Variants in SEL1L2 observed in about 807,000 individuals in gnomAD.
SEL1L2 encodes the protein protein sel-1 homolog 2.
A neutral mutation model predicts 98.8 loss-of-function variants in SEL1L2; 89 were observed. The observed-to-expected ratio is 0.90, with a 90% CI of 0.76 to 1.07. The LOEUF (loss-of-function observed/expected upper bound fraction) is 1.07. SEL1L2 is among the 50% of genes least tolerant of loss of function. SEL1L2 has a pLI of 0.00. For missense variants in SEL1L2, 788 were observed against 812.0 expected (o/e 0.97, Z 0.36); for synonymous variants, 262 against 278.5 (o/e 0.94, Z 0.59).
chr20:13,974,183 T>C (rs1375824617), intron 1 of SEL1L2, among the ~76,000 whole-genome samples: 2 of 152,198 alleles, frequency 1.3e-5, no homozygotes, highest in Non-Finnish European at 2.9e-5. Context: ...AAGTCCTGGC[T>C]CTGCTCAGGG....
At chr20:13,883,387 T>G (rs1479132937) in intron 10 of SEL1L2, among the ~76,000 whole-genome samples, 1 of 152,226 alleles carries the variant, frequency 6.6e-6, no homozygotes, top group Non-Finnish European at 1.5e-5. Flanking sequence ...TAGAGGCTGT[T>G]TTTTGTTTTG....
chr20:13,975,228 C>T (rs1037413427), intron 1 of SEL1L2, among the ~76,000 whole-genome samples: 10 of 152,250 alleles, frequency 6.6e-5, no homozygotes, highest in African/African-American at 2.2e-4. Flanking sequence ...AATAATCATA[C>T]TGCCAAAACA....
At chr20:13,908,060 ACAAGGCAGGAGCCAC>A (rs2048045711) in intron 5 of SEL1L2, among the ~76,000 whole-genome samples, 2 of 140,428 alleles carry the variant, frequency 1.4e-5, no homozygotes, top group African/African-American at 5.3e-5. Flanking sequence ...TGTTAGGATT[ACAAGGCAGGAGCCAC>A]CATGCCTGGC....
chr20:13,900,853 C>A (rs924281136), intron 5 of SEL1L2, among the ~76,000 whole-genome samples: 3 of 152,140 alleles, frequency 2.0e-5, no homozygotes, highest in East Asian at 1.9e-4. Flanking sequence ...TGGCAACAAC[C>A]AAATGCACCT....
intron 8 of SEL1L2, among the ~76,000 whole-genome samples, chr20:13,886,993 A>G (rs1256535538): frequency 6.6e-6 from 1 of 152,194 alleles, no homozygotes; most frequent in Non-Finnish European, 1.5e-5. Context: ...GAAGATCTTG[A>G]CCAAAAAGAC....
chr20:13,863,383 G>A (rs759073480), intron 17 of SEL1L2, among the ~76,000 whole-genome samples: 19 of 152,180 alleles, frequency 1.2e-4, no homozygotes, highest in African/African-American at 2.9e-4. Flanking sequence ...GCAGCATGTG[G>A]TGAGCCAGAC....
At chr20:13,948,550 T>G (rs985531660) in intron 2 of SEL1L2, among the ~76,000 whole-genome samples, 1 of 152,312 alleles carries the variant, frequency 6.6e-6, no homozygotes, top group South Asian at 2.1e-4. Context: ...TGGATAGCCA[T>G]GTGCAAAAGG....
At chr20:13,931,037 C>G (rs967580987) in intron 3 of SEL1L2, among the ~76,000 whole-genome samples, 2 of 128,766 alleles carry the variant, frequency 1.6e-5, no homozygotes, top group Non-Finnish European at 3.3e-5. Context: ...AAGGCTGAGA[C>G]AGGAGTATCT....
chr20:13,858,745 T>A (rs971919640), intron 18 of SEL1L2, among the ~76,000 whole-genome samples: 1 of 150,032 alleles, frequency 6.7e-6, no homozygotes, highest in African/African-American at 2.5e-5. Flanking sequence ...TCAAGTGTAG[T>A]CTTGGGGGAC....
intron 5 of SEL1L2, among the ~76,000 whole-genome samples, chr20:13,901,207 A>G (rs1180617659): frequency 6.6e-6 from 1 of 151,250 alleles, no homozygotes; most frequent in African/African-American, 2.4e-5. Flanking sequence ...AGTAGCTGGG[A>G]CTACAGGCGC....
chr20:13,870,551 G>A (rs2046137892), intron 12 of SEL1L2, among the ~76,000 whole-genome samples: 1 of 152,100 alleles, frequency 6.6e-6, no homozygotes, highest in African/African-American at 2.4e-5. Flanking sequence ...CACACGCTAG[G>A]GGGCTCTGAG....
upstream of SEL1L2, among the ~76,000 whole-genome samples, chr20:13,993,085 C>A (rs1601084495): frequency 1.3e-5 from 2 of 152,072 alleles, no homozygotes; most frequent in Non-Finnish European, 2.9e-5. Context: ...TCACTTCTGA[C>A]AAGGTATCAC....
intron 9 of SEL1L2, among the ~76,000 whole-genome samples, chr20:13,886,036 C>CA (rs11476832): frequency 0.046 from 5,637 of 123,728 alleles, 135 homozygotes; most frequent in Middle Eastern, 0.076. Context: ...GACTCCAACT[C>CA]AAAAAAAAAA....
At chr20:13,896,363 G>A (rs556530223) in intron 5 of SEL1L2, among the ~76,000 whole-genome samples, 52 of 152,184 alleles carry the variant, frequency 3.4e-4, no homozygotes, top group Non-Finnish European at 5.7e-4. Context: ...CCAGCTACTA[G>A]GGAGGCTGAG....
At chr20:13,886,667 C>A (rs902574690) in intron 8 of SEL1L2, among the ~76,000 whole-genome samples, 5 of 152,048 alleles carry the variant, frequency 3.3e-5, no homozygotes, top group African/African-American at 4.8e-5. Context: ...GCGGGCAAAT[C>A]ACTTGAGGTT....
chr20:13,966,853 CTCTT>C (rs1343925337), intron 1 of SEL1L2, among the ~76,000 whole-genome samples: 2 of 148,272 alleles, frequency 1.3e-5, no homozygotes, highest in African/African-American at 5.0e-5. Context: ...AAGTTCCTCT[CTCTT>C]TCTCTGTTAC....
intron 17 of SEL1L2, among the ~76,000 whole-genome samples, chr20:13,864,911 G>A (rs1990747565): frequency 6.6e-6 from 1 of 152,120 alleles, no homozygotes; most frequent in South Asian, 2.1e-4. Context: ...GAACTGTTCT[G>A]GTGTCACGGA....
At chr20:13,874,085 G>C (rs2046324026) in intron 12 of SEL1L2, among the ~76,000 whole-genome samples, 1 of 152,286 alleles carries the variant, frequency 6.6e-6, no homozygotes, top group South Asian at 2.1e-4. Context: ...AGTCTGGGAA[G>C]GGGAGGCAGA....
At chr20:13,862,411 C>T (rs1990276470) in intron 17 of SEL1L2, among the ~76,000 whole-genome samples, 1 of 152,140 alleles carries the variant, frequency 6.6e-6, no homozygotes, top group Admixed American at 6.5e-5. Flanking sequence ...GTGGCCAGCC[C>T]TTCTAGCATG....
Sources: allele counts gnomAD v4.1 joint callset (sites outside exome capture counted in the v4.1 genomes callset), GRCh38; gene constraint gnomAD v4.1.1; transcripts MANE v1.5; gene names NCBI Gene and HGNC (gene_info 2026-07-23, HGNC 2026-07-21).